Variants in UBE2E3 observed in about 807,000 individuals in gnomAD.
UBE2E3 encodes the protein ubiquitin conjugating enzyme E2 E3.
A neutral mutation model predicts 23.6 loss-of-function variants in UBE2E3; 5 were observed. That is an observed-to-expected ratio of 0.21 (90% CI 0.11 to 0.44). UBE2E3 has a LOEUF of 0.44. UBE2E3 is among the 20% of genes least tolerant of loss of function. The probability of loss-of-function intolerance (pLI) is 0.99; values close to 1 mark genes in which losing one functional copy is unlikely to be tolerated. For missense variants in UBE2E3, 81 were observed against 249.8 expected (o/e 0.32, Z 4.55); for synonymous variants, 78 against 87.5 (o/e 0.89, Z 0.60).
intron 3 of UBE2E3, among the ~76,000 whole-genome samples, chr2:181,046,411 G>C (rs1029810988): frequency 6.6e-6 from 1 of 152,086 alleles, no homozygotes; most frequent in Admixed American, 6.6e-5. Context: ...TGGACAAACA[G>C]GTGCTGTTAG....
At chr2:181,060,644 T>C in intron 4 of UBE2E3, 21 bp from the exon 5 acceptor site, 1 of 1,575,122 alleles carries the variant, frequency 6.3e-7, no homozygotes, top group Non-Finnish European at 8.6e-7. Context: ...TTCCTTCTGT[T>C]TTTAATGTGA....
chr2:181,002,746 T>A (rs917653397), intron 3 of UBE2E3, among the ~76,000 whole-genome samples: 1 of 152,224 alleles, frequency 6.6e-6, no homozygotes, highest in Non-Finnish European at 1.5e-5. Context: ...TAGCCACAGG[T>A]AGCTAGTGGC....
intron 3 of UBE2E3, among the ~76,000 whole-genome samples, chr2:181,050,127 T>C (rs904124710): frequency 1.3e-5 from 2 of 151,922 alleles, no homozygotes; most frequent in African/African-American, 4.8e-5. Context: ...CAGAATCTGC[T>C]TAATACAAAT....
intron 3 of UBE2E3, among the ~76,000 whole-genome samples, chr2:181,055,871 T>C (rs1178762460): frequency 6.6e-6 from 1 of 151,716 alleles, no homozygotes; most frequent in African/African-American, 2.4e-5. Flanking sequence ...ATTATGAGTT[T>C]AGATTTTATT....
At chr2:181,054,323 T>G (rs549938777) in intron 3 of UBE2E3, among the ~76,000 whole-genome samples, 1 of 151,858 alleles carries the variant, frequency 6.6e-6, no homozygotes, top group East Asian at 1.9e-4. Flanking sequence ...TCTAGATATT[T>G]TGCATTTCCT....
intron 3 of UBE2E3, among the ~76,000 whole-genome samples, chr2:181,052,817 T>G (rs558360787): frequency 2.2e-4 from 34 of 151,926 alleles, no homozygotes; most frequent in Admixed American, 1.2e-3. Flanking sequence ...TTGTTCTGCT[T>G]CTTCTGCCTC....
intron 3 of UBE2E3, among the ~76,000 whole-genome samples, chr2:181,034,339 G>A (rs1041050972): frequency 3.1e-4 from 47 of 152,242 alleles, no homozygotes; most frequent in South Asian, 4.1e-4. Flanking sequence ...ATGGAATACT[G>A]TGCAGCCATA....
At chr2:181,048,248 A>T (rs900048707) in intron 3 of UBE2E3, among the ~76,000 whole-genome samples, 2 of 152,106 alleles carry the variant, frequency 1.3e-5, no homozygotes, top group Non-Finnish European at 2.9e-5. Flanking sequence ...TTTGATTAAG[A>T]TCTATATCCT....
intron 3 of UBE2E3, among the ~76,000 whole-genome samples, chr2:181,036,341 A>G (rs1043937584): frequency 1.3e-5 from 2 of 152,146 alleles, no homozygotes; most frequent in African/African-American, 4.8e-5. Flanking sequence ...AAGTGTTAGA[A>G]TAACTGAGTA....
At chr2:180,984,238 G>A (rs980539364) in intron 3 of UBE2E3, 145 bp downstream of exon 3, 3 of 567,422 alleles carry the variant, frequency 5.3e-6, no homozygotes, top group Non-Finnish European at 9.3e-6. Flanking sequence ...ATTGTAGAAG[G>A]TGAACTAGAT....
intron 3 of UBE2E3, among the ~76,000 whole-genome samples, chr2:181,053,021 T>C (rs1442393958): frequency 6.6e-6 from 1 of 151,860 alleles, no homozygotes; most frequent in Admixed American, 6.6e-5. Context: ...TCTTAGTCGT[T>C]TCACCACCCT....
At chr2:180,992,397 A>G (rs566072908) in intron 3 of UBE2E3, among the ~76,000 whole-genome samples, 15 of 152,348 alleles carry the variant, frequency 9.8e-5, no homozygotes, top group African/African-American at 2.9e-4. Flanking sequence ...CAATTAGACT[A>G]TAAAAGGAGA....
chr2:181,035,474 T>C (rs1201586832), intron 3 of UBE2E3, among the ~76,000 whole-genome samples: 1 of 152,098 alleles, frequency 6.6e-6, no homozygotes, highest in Non-Finnish European at 1.5e-5. Context: ...TTACTTTCAG[T>C]AGATGTATTA....
intron 3 of UBE2E3, among the ~76,000 whole-genome samples, chr2:181,046,640 A>C (rs1282146617): frequency 6.6e-6 from 1 of 152,158 alleles, no homozygotes; most frequent in African/African-American, 2.4e-5. Context: ...TGTGCAAAGA[A>C]TGGGGGAGGG....
At chr2:180,981,921 C>A in intron 1 of UBE2E3, 97 bp from the exon 2 acceptor site, 1 of 912,816 alleles carries the variant, frequency 1.1e-6, no homozygotes, top group Non-Finnish European at 1.6e-6. Context: ...GAAGCTTTTT[C>A]ATTACAAGAC....
At chr2:181,023,315 A>G (rs1685766245) in intron 3 of UBE2E3, among the ~76,000 whole-genome samples, 1 of 152,208 alleles carries the variant, frequency 6.6e-6, no homozygotes, top group South Asian at 2.1e-4. Context: ...TTAAAATTTG[A>G]TTTAGTTACT....
chr2:180,994,538 G>A (rs1684770209), intron 3 of UBE2E3, among the ~76,000 whole-genome samples: 1 of 152,132 alleles, frequency 6.6e-6, no homozygotes, highest in Non-Finnish European at 1.5e-5. Context: ...ATTTTCAGTA[G>A]CTCCGTAATC....
chr2:180,988,626 ATT>A (rs1684555893), intron 3 of UBE2E3, among the ~76,000 whole-genome samples: 1 of 152,192 alleles, frequency 6.6e-6, no homozygotes, highest in African/African-American at 2.4e-5. Context: ...TGTTACCTGC[ATT>A]ACCTAACCCC....
intron 3 of UBE2E3, among the ~76,000 whole-genome samples, chr2:180,989,485 A>G (rs1176457108): frequency 6.6e-6 from 1 of 152,142 alleles, no homozygotes; most frequent in African/African-American, 2.4e-5. Context: ...ATGATACTTA[A>G]TATTTAATAA....
Sources: allele counts gnomAD v4.1 joint callset (sites outside exome capture counted in the v4.1 genomes callset), GRCh38; gene constraint gnomAD v4.1.1; transcripts MANE v1.5; gene names NCBI Gene and HGNC (gene_info 2026-07-23, HGNC 2026-07-21).